Variants in BRAF observed in about 807,000 individuals in gnomAD.
The protein encoded by BRAF is B-Raf proto-oncogene, serine/threonine kinase, also known as serine/threonine-protein kinase B-raf.
A neutral mutation model predicts 104.6 loss-of-function variants in BRAF; 16 were observed. The observed-to-expected ratio is 0.15, with a 90% CI of 0.10 to 0.23. BRAF has a LOEUF of 0.23. Ranked by LOEUF, BRAF falls within the 10% of genes least tolerant of loss-of-function variation. BRAF has a pLI of 1.00. For synonymous variants in BRAF, 310 were observed against 341.6 expected (o/e 0.91, Z 1.02); for missense variants, 541 against 937.3 (o/e 0.58, Z 5.52).
At chr7:140,840,273 T>G (rs1446682356) in intron 2 of BRAF, among the ~76,000 whole-genome samples, 1 of 152,174 alleles carries the variant, frequency 6.6e-6, no homozygotes, top group Admixed American at 6.5e-5. Context: ...TCCTGACCTT[T>G]GATTAGGCAA....
rs1391398297 is a variant in BRAF at position 140,777,989 on chromosome 7, A to C, written c.1637+2T>G. On this transcript the variant is annotated splice_donor_variant, in intron 13 of 19. Transcript: ENST00000644969. LOFTEE classifies it high-confidence loss of function. ...GGAAAAGAGTAATTCACACAAGCTC[A>C]CCTGAGTACTCCTACTTCATTTTTG... The C allele has an allele frequency of 6.2e-7, 1 of 1,613,192 alleles. No homozygotes were observed. Among genetic ancestry groups the C allele is most frequent in the Non-Finnish European group, 8.5e-7 (1 of 1,179,562 alleles).
intron 14 of BRAF, among the ~76,000 whole-genome samples, chr7:140,776,617 G>T (rs1800361046): frequency 6.6e-6 from 1 of 152,150 alleles, no homozygotes; most frequent in African/African-American, 2.4e-5. Context: ...CTTTTTAGCA[G>T]GTTTTTGCTG....
chr7:140,829,506 A>AT (rs2129059049), intron 3 of BRAF, among the ~76,000 whole-genome samples: 1 of 151,898 alleles, frequency 6.6e-6, no homozygotes, highest in South Asian at 2.1e-4. Flanking sequence ...TTCATATTAC[A>AT]TTTTCTGAAA....
At chr7:140,805,962 T>C (rs1803619853) in intron 5 of BRAF, among the ~76,000 whole-genome samples, 1 of 152,204 alleles carries the variant, frequency 6.6e-6, no homozygotes, top group Non-Finnish European at 1.5e-5. Context: ...AGCTTACAAC[T>C]ATTACATTTC....
chr7:140,850,348 G>A, intron 1 of BRAF, 136 bp from the exon 2 acceptor site: 1 of 625,542 alleles, frequency 1.6e-6, no homozygotes, highest in African/African-American at 1.9e-5. Context: ...TAGTACAGTG[G>A]TTTTTCTCTT....
chr7:140,807,115 A>ATTT (rs1803734566), intron 5 of BRAF, among the ~76,000 whole-genome samples: 1 of 152,174 alleles, frequency 6.6e-6, no homozygotes, highest in Non-Finnish European at 1.5e-5. Flanking sequence ...TAAGGTGGAA[A>ATTT]GGTCCCACAT....
At position 140,726,303 on chromosome 7, in the gene BRAF, G is replaced by T; in HGVS notation, c.*191C>A. On this transcript the variant is annotated 3_prime_UTR_variant, in exon 20 of 20. Coordinates refer to ENST00000644969, the MANE Select transcript of BRAF (RefSeq NM_001374258.1). Reference sequence around the variant, plus strand: ...TTGTTGAAGAAACACTGGCAGCAGAGAATTCTGGTTCCTAAAACATTCTTT... The same window carrying T: ...TTGTTGAAGAAACACTGGCAGCAGATAATTCTGGTTCCTAAAACATTCTTT... 14 of 1,421,536 alleles carry T rather than the reference G, an allele frequency of 9.8e-6. No homozygotes were observed. The highest frequency in any genetic ancestry group is 2.4e-4 in the Middle Eastern group (1 of 4,094). 88.1% of individuals were successfully genotyped at this position (1,421,536 alleles called of 1,614,324 possible).
chr7:140,909,235 G>A (rs1264820190), intron 1 of BRAF, among the ~76,000 whole-genome samples: 1 of 152,022 alleles, frequency 6.6e-6, no homozygotes, highest in Non-Finnish European at 1.5e-5. Context: ...AGACAAGCCT[G>A]ACCAACATGG....
chr7:140,867,600 G>A (rs1021351494), intron 1 of BRAF, among the ~76,000 whole-genome samples: 17 of 152,062 alleles, frequency 1.1e-4, no homozygotes, highest in Admixed American at 2.0e-4. Flanking sequence ...GAGCAGGATC[G>A]GGGTGGGTGG....
At chr7:140,787,226 G>A (rs976178977) in intron 9 of BRAF, among the ~76,000 whole-genome samples, 20 of 150,856 alleles carry the variant, frequency 1.3e-4, no homozygotes, top group African/African-American at 3.6e-4. Context: ...GCGTGAACCC[G>A]GGAGGCGGAG....
chr7:140,734,465 T>C, intron 19 of BRAF: 1 of 1,582,634 alleles, frequency 6.3e-7, no homozygotes, highest in Admixed American at 1.7e-5. Flanking sequence ...ATCTAGTCTT[T>C]AACCACACAA....
At chr7:140,846,195 G>C (rs564285286) in intron 2 of BRAF, among the ~76,000 whole-genome samples, 1 of 152,008 alleles carries the variant, frequency 6.6e-6, no homozygotes, top group South Asian at 2.1e-4. Flanking sequence ...TCAGATACTC[G>C]TACACCCATG....
At chr7:140,901,074 TC>T (rs1815576290) in intron 1 of BRAF, among the ~76,000 whole-genome samples, 1 of 152,220 alleles carries the variant, frequency 6.6e-6, no homozygotes, top group Admixed American at 6.5e-5. Flanking sequence ...AAAGCCATAG[TC>T]CAACTGACAT....
Position 140,834,886 on chromosome 7 carries a change from C to G in BRAF, c.241-14G>C. 6.2e-7 allele frequency: 1 copy of G among 1,613,816 alleles called. No individual in the cohort carries two copies. The highest frequency in any genetic ancestry group is 1.1e-5 in the South Asian group (1 of 91,070). ...TTCTTCATAGGCCTATAAAATAAAGCAGACTTATATTCAATCCGGACTTTG... is the reference window on the plus strand; with the variant it reads ...TTCTTCATAGGCCTATAAAATAAAGGAGACTTATATTCAATCCGGACTTTG... On this transcript the variant is annotated splice_polypyrimidine_tract_variant and intron_variant, in intron 2 of 19. Transcript: ENST00000644969.
intron 3 of BRAF, among the ~76,000 whole-genome samples, chr7:140,832,715 G>A (rs189358317): frequency 1.3e-5 from 2 of 152,222 alleles, no homozygotes; most frequent in East Asian, 1.9e-4. Context: ...GATAATTAAG[G>A]TAAGCCTAGT....
chr7:140,856,076 T>C lies in BRAF; in HGVS notation c.139-5864A>G, dbSNP rs578206695. Among the ~76,000 whole-genome samples, 7 of 150,108 alleles carry C rather than the reference T, an allele frequency of 4.7e-5. 1 individual carries two copies. The highest frequency in any genetic ancestry group is 2.0e-4 in the Admixed American group (3 of 15,002). On this transcript the variant is annotated intron_variant, in intron 1 of 19. Coordinates refer to ENST00000644969, the MANE Select transcript of BRAF (RefSeq NM_001374258.1). ...AACTGTGAAGAAAGGCATCAAACTC[T>C]TAAATTAATATATATGATATATAAA... is the stretch of plus-strand genomic sequence containing the variant.
rs569589583 is a variant in BRAF, at chr7:140,915,077, C to T, written c.138+9489G>A. 6.2e-5 allele frequency among the ~76,000 whole-genome samples: 9 copies of T among 146,270 alleles called. No individual in the cohort carries two copies. The South Asian group carries it at 1.1e-3, about 18-fold the overall frequency. On this transcript the variant is annotated intron_variant, in intron 1 of 19. Coordinates refer to ENST00000644969, the MANE Select transcript of BRAF (RefSeq NM_001374258.1). ...AAAAAAAAAAAAAAAAAAACCATACCTACTTAAGACTTAATTACAATTTTA... is the reference window on the plus strand; with the variant it reads ...AAAAAAAAAAAAAAAAAAACCATACTTACTTAAGACTTAATTACAATTTTA...
chr7:140,904,343 A>G (rs1041507357), intron 1 of BRAF, among the ~76,000 whole-genome samples: 2 of 152,108 alleles, frequency 1.3e-5, no homozygotes, highest in African/African-American at 4.8e-5. Context: ...ATGACTGTGA[A>G]TTTCCCAGTA....
chr7:140,833,114 G>C (rs1806961468), intron 3 of BRAF, among the ~76,000 whole-genome samples: 2 of 152,064 alleles, frequency 1.3e-5, no homozygotes, highest in Admixed American at 6.5e-5. Context: ...CTGACCTCCT[G>C]ACCTCGTGAT....
Sources: allele counts gnomAD v4.1 joint callset (sites outside exome capture counted in the v4.1 genomes callset), GRCh38; gene constraint gnomAD v4.1.1; transcripts MANE v1.5; gene names NCBI Gene and HGNC (gene_info 2026-07-23, HGNC 2026-07-21).